Variants in ANK2 observed in about 807,000 individuals in gnomAD.
The protein encoded by ANK2 is ankyrin-2.
A neutral mutation model predicts 360.5 loss-of-function variants in ANK2; 83 were observed. The ratio of observed to expected loss-of-function variants is 0.23; its 90% CI spans 0.19 to 0.28. The LOEUF (loss-of-function observed/expected upper bound fraction) is 0.28, where lower values mean the gene tolerates loss of function less well. ANK2 is among the 10% of genes least tolerant of loss of function. ANK2 has a pLI of 1.00. For synonymous variants in ANK2, 1,740 were observed against 1,759.5 expected (o/e 0.99, Z 0.28); for missense variants, 4,201 against 4,795.7 (o/e 0.88, Z 3.66).
Position 112,969,459 on chromosome 4 carries a change from C to T in ANK2, c.21+64945C>T, listed in dbSNP as rs573664761. ...CTGATTTATGCCATTGGCTTCCCCC[C>T]GGACTTTAATGTTGACACCTTTTGC... On this transcript the variant is annotated intron_variant, in intron 2 of 30. Coordinates refer to the ANK2 transcript ENST00000503271. Among the ~76,000 whole-genome samples the T allele has an allele frequency of 1.2e-4, 19 of 152,244 alleles. No individual in the cohort carries two copies. The East Asian group carries it at 1.7e-3, about 14-fold the overall frequency.
the ANK2 span, among the ~76,000 whole-genome samples, chr4:112,807,401 C>T: frequency 2.0e-5 from 3 of 152,170 alleles, no homozygotes; most frequent in Non-Finnish European, 4.4e-5. Context: ...AATGAGTTCA[C>T]AGTTTCAGGT....
At chr4:112,738,592 T>C in the ANK2 span, 1 of 485,024 alleles carries the variant, frequency 2.1e-6, no homozygotes, top group East Asian at 5.0e-5. Flanking sequence ...AGGAGAGTTC[T>C]GAATTGTGAG....
At chr4:113,124,039 C>A (rs2095522334) in intron 1 of ANK2, among the ~76,000 whole-genome samples, 1 of 152,098 alleles carries the variant, frequency 6.6e-6, no homozygotes, top group South Asian at 2.1e-4. Flanking sequence ...ACTAACTTTG[C>A]CCTAATGGAA....
At chr4:113,237,254 T>C in intron 6 of ANK2, 82 bp downstream of exon 6, 4 of 1,466,538 alleles carry the variant, frequency 2.7e-6, no homozygotes, top group Non-Finnish European at 3.8e-6. Context: ...AAGTAGGCCA[T>C]GGTGATAATG....
intron 16 of ANK2, 41 bp downstream of exon 16, chr4:113,277,976 G>T (rs1175998955): frequency 2.6e-6 from 4 of 1,547,702 alleles, no homozygotes; most frequent in Non-Finnish European, 1.8e-6. Flanking sequence ...AACAGTGAAG[G>T]TGATAGATTA....
At chr4:113,310,376 G>A (rs1260312079) in intron 23 of ANK2, among the ~76,000 whole-genome samples, 1 of 151,978 alleles carries the variant, frequency 6.6e-6, no homozygotes, top group Non-Finnish European at 1.5e-5. Flanking sequence ...ATTTTGGGGA[G>A]TAGGGGTGGG....
intron 1 of ANK2, among the ~76,000 whole-genome samples, chr4:112,823,142 GTTGT>G (rs1172788197): frequency 1.3e-5 from 2 of 152,204 alleles, no homozygotes; most frequent in Non-Finnish European, 2.9e-5. Context: ...TAGATTGGGT[GTTGT>G]TTAATTACAA....
At chr4:112,783,151 C>T in the ANK2 span, among the ~76,000 whole-genome samples, 43,962 of 151,944 alleles carry the variant, frequency 0.29, 6,515 homozygotes, top group East Asian at 0.35. Context: ...CTCGTGATTC[C>T]CCCCGCATTG....
At chr4:112,740,854 G>C in the ANK2 span, among the ~76,000 whole-genome samples, 1 of 152,082 alleles carries the variant, frequency 6.6e-6, no homozygotes, top group Non-Finnish European at 1.5e-5. Flanking sequence ...GCCGGGCGTG[G>C]TCGTGGGCAC....
chr4:113,338,831 G>A, intron 31 of ANK2, among the ~76,000 whole-genome samples: 1 of 152,110 alleles, frequency 6.6e-6, no homozygotes, highest in East Asian at 1.9e-4. Context: ...TTACAGGCAT[G>A]AGTCACCGCG....
the ANK2 span, among the ~76,000 whole-genome samples, chr4:112,787,049 A>G: frequency 2.0e-5 from 3 of 152,184 alleles, no homozygotes; most frequent in African/African-American, 7.2e-5. Context: ...ACACCTGGCC[A>G]AAATCAAACA....
At chr4:112,784,683 C>T in the ANK2 span, among the ~76,000 whole-genome samples, 1 of 152,134 alleles carries the variant, frequency 6.6e-6, no homozygotes, top group Non-Finnish European at 1.5e-5. Context: ...AATCTGCCCA[C>T]CTTAGCCTCT....
intron 2 of ANK2, among the ~76,000 whole-genome samples, chr4:112,914,230 GATA>G (rs1262321590): frequency 2.0e-5 from 3 of 152,110 alleles, no homozygotes; most frequent in Admixed American, 6.5e-5. Flanking sequence ...TTTATATAAA[GATA>G]ATAATGAAAA....
chr4:112,834,072 A>G (rs1043639276), intron 1 of ANK2, among the ~76,000 whole-genome samples: 1 of 152,218 alleles, frequency 6.6e-6, no homozygotes, highest in Non-Finnish European at 1.5e-5. Context: ...GTCAGTACAT[A>G]CAAAGTTGCC....
chr4:113,116,530 C>G (rs1301941061), intron 1 of ANK2, among the ~76,000 whole-genome samples: 1 of 152,240 alleles, frequency 6.6e-6, no homozygotes, highest in African/African-American at 2.4e-5. Context: ...ATTGCCACGG[C>G]AGTGGCAAGT....
At chr4:112,884,901 G>A (rs1450608180) in intron 1 of ANK2, among the ~76,000 whole-genome samples, 1 of 151,668 alleles carries the variant, frequency 6.6e-6, no homozygotes, top group East Asian at 1.9e-4. Context: ...GTGTGAATTC[G>A]TCTTTTATTA....
chr4:113,121,607 A>T (rs1013914865), intron 1 of ANK2, among the ~76,000 whole-genome samples: 3 of 152,212 alleles, frequency 2.0e-5, no homozygotes, highest in African/African-American at 7.2e-5. Flanking sequence ...TGGCAATTAT[A>T]GACTATGATA....
chr4:113,276,536 C>T (rs2060310305), intron 15 of ANK2, among the ~76,000 whole-genome samples: 1 of 152,134 alleles, frequency 6.6e-6, no homozygotes, highest in Admixed American at 6.5e-5. Context: ...TCAAAGAACT[C>T]TGTTTCATCC....
intron 13 of ANK2, among the ~76,000 whole-genome samples, chr4:113,261,058 G>T (rs1437085730): frequency 6.6e-6 from 1 of 152,206 alleles, no homozygotes; most frequent in Non-Finnish European, 1.5e-5. Context: ...TTTAACAACT[G>T]AGAAGAGTGG....
Sources: gnomAD v4.1 joint callset for allele counts (sites outside exome capture counted in the v4.1 genomes callset) on GRCh38, gnomAD v4.1.1 for gene constraint, MANE v1.5 for transcripts, NCBI Gene and HGNC (gene_info 2026-07-23, HGNC 2026-07-21) for gene names.